GABBR2: variants seen among roughly 807,000 people sequenced by gnomAD.
GABBR2 encodes G-protein coupled receptor 51.
Under a neutral mutation model 105.6 loss-of-function variants are expected in GABBR2, and 23 were observed. The ratio of observed to expected loss-of-function variants is 0.22; its 90% CI spans 0.16 to 0.31. The LOEUF is 0.31. Ranked by LOEUF, GABBR2 falls within the 10% of genes least tolerant of loss-of-function variation. The pLI is 1.00. For missense variants in GABBR2, 734 were observed against 1,245.5 expected (o/e 0.59, Z 6.18); for synonymous variants, 478 against 499.7 (o/e 0.96, Z 0.58).
chr9:98,691,363 A>AC (rs34492534), intron 1 of GABBR2, among the ~76,000 whole-genome samples: 1 of 152,098 alleles, frequency 6.6e-6, no homozygotes, highest in Non-Finnish European at 1.5e-5. Flanking sequence ...AGGGCTTGTC[A>AC]CCCCTAGGAA....
At chr9:98,362,521 T>C in intron 13 of GABBR2, 194 bp downstream of exon 13, 1 of 351,320 alleles carries the variant, frequency 2.8e-6, no homozygotes. Context: ...CGTGTATTAA[T>C]ATTAAAATCA....
At chr9:98,436,356 T>TATATACACACACACACC (rs1825917059) in intron 7 of GABBR2, among the ~76,000 whole-genome samples, 3 of 2,834 alleles carry the variant, frequency 1.1e-3, no homozygotes, top group East Asian at 0.012. Flanking sequence ...ACCATATATA[T>TATATACACACACACACC]ATATATATAT....
chr9:98,299,854 A>G (rs888786574), intron 16 of GABBR2, among the ~76,000 whole-genome samples: 2 of 152,138 alleles, frequency 1.3e-5, no homozygotes, highest in Non-Finnish European at 2.9e-5. Flanking sequence ...AATAAGGGCA[A>G]CTTGCTACTA....
chr9:98,325,289 T>C (rs1451887933), intron 13 of GABBR2, among the ~76,000 whole-genome samples: 1 of 134,314 alleles, frequency 7.4e-6, no homozygotes, highest in Non-Finnish European at 1.6e-5. Context: ...AATTCTTTTT[T>C]TTTTTTTTTT....
At chr9:98,342,832 C>G (rs781153559) in intron 13 of GABBR2, among the ~76,000 whole-genome samples, 8 of 152,224 alleles carry the variant, frequency 5.3e-5, no homozygotes, top group Non-Finnish European at 1.0e-4. Context: ...TTCCCCCACC[C>G]AGGCCATTAC....
At chr9:98,441,683 G>A (rs143934804) in intron 7 of GABBR2, among the ~76,000 whole-genome samples, 143 of 152,282 alleles carry the variant, frequency 9.4e-4, no homozygotes, top group Admixed American at 9.2e-4. Context: ...TATTTAATGG[G>A]TATGCAGTTT....
chr9:98,574,010 G>A (rs2018973), intron 2 of GABBR2, among the ~76,000 whole-genome samples: 15,854 of 152,188 alleles, frequency 0.1, 866 homozygotes, highest in South Asian at 0.15. Context: ...GGGAATGGGC[G>A]GCACTGAAGG....
chr9:98,354,497 CA>C (rs1213701264), intron 13 of GABBR2, among the ~76,000 whole-genome samples: 1 of 152,242 alleles, frequency 6.6e-6, no homozygotes, highest in African/African-American at 2.4e-5. Flanking sequence ...CCACTTTCAT[CA>C]AAGATCTTAG....
chr9:98,618,880 GGCAA>G (rs1829630337), intron 1 of GABBR2, among the ~76,000 whole-genome samples: 1 of 152,134 alleles, frequency 6.6e-6, no homozygotes, highest in Non-Finnish European at 1.5e-5. Context: ...TGTGACCTAA[GGCAA>G]GTCACTCCCC....
intron 13 of GABBR2, among the ~76,000 whole-genome samples, chr9:98,318,329 G>A (rs2131371843): frequency 6.6e-6 from 1 of 152,334 alleles, no homozygotes; most frequent in East Asian, 1.9e-4. Context: ...GGTAATATTT[G>A]GTTCTCAGCT....
At chr9:98,293,644 A>C (rs891938597) in intron 18 of GABBR2, 141 bp downstream of exon 18, 1 of 566,346 alleles carries the variant, frequency 1.8e-6, no homozygotes, top group Non-Finnish European at 3.2e-6. Context: ...TAAAAAGAGC[A>C]CTGTAATTGG....
chr9:98,356,180 A>G (rs1831480564), intron 13 of GABBR2, among the ~76,000 whole-genome samples: 1 of 152,246 alleles, frequency 6.6e-6, no homozygotes, highest in South Asian at 2.1e-4. Flanking sequence ...GAAAGAAAAA[A>G]GTAATAAGCT....
At chr9:98,422,590 G>A (rs145920535) in intron 7 of GABBR2, among the ~76,000 whole-genome samples, 182 of 152,074 alleles carry the variant, frequency 1.2e-3, no homozygotes, top group African/African-American at 3.7e-3. Flanking sequence ...AGATGTAATG[G>A]AAGGATAGAT....
chr9:98,325,283 CTTTTTTTTT>C (rs886288539), intron 13 of GABBR2, among the ~76,000 whole-genome samples: 5 of 67,652 alleles, frequency 7.4e-5, no homozygotes, highest in African/African-American at 1.9e-4. Context: ...GACAGCAATT[CTTTTTTTTT>C]TTTTTTTTTT....
intron 1 of GABBR2, among the ~76,000 whole-genome samples, chr9:98,671,378 T>A (rs1289151961): frequency 6.6e-6 from 1 of 152,204 alleles, no homozygotes; most frequent in African/African-American, 2.4e-5. Flanking sequence ...ATCTACCACA[T>A]TTTGTTTGTC....
chr9:98,564,535 C>T (rs1473640699), intron 2 of GABBR2, among the ~76,000 whole-genome samples: 1 of 152,346 alleles, frequency 6.6e-6, no homozygotes, highest in Non-Finnish European at 1.5e-5. Flanking sequence ...CCTCAGTTTT[C>T]TCATCTGTGA....
intron 3 of GABBR2, among the ~76,000 whole-genome samples, chr9:98,527,022 C>T (rs1004348517): frequency 1.3e-5 from 2 of 150,532 alleles, no homozygotes; most frequent in African/African-American, 4.9e-5. Flanking sequence ...AAATATAACT[C>T]TAGAACATCC....
chr9:98,613,140 T>C (rs1456929128), intron 1 of GABBR2, among the ~76,000 whole-genome samples: 1 of 152,140 alleles, frequency 6.6e-6, no homozygotes, highest in Non-Finnish European at 1.5e-5. Context: ...TCTCCTACCA[T>C]CAAAAGGTGA....
intron 1 of GABBR2, among the ~76,000 whole-genome samples, chr9:98,666,583 T>C (rs1830337446): frequency 6.6e-6 from 1 of 152,218 alleles, no homozygotes; most frequent in African/African-American, 2.4e-5. Flanking sequence ...GGTCTTGCTA[T>C]GCTGCCTGGA....
Sources: allele counts gnomAD v4.1 joint callset (sites outside exome capture counted in the v4.1 genomes callset), GRCh38; gene constraint gnomAD v4.1.1; transcripts MANE v1.5; gene names NCBI Gene and HGNC (gene_info 2026-07-23, HGNC 2026-07-21).